EYS: variants seen among roughly 807,000 people sequenced by gnomAD.
EYS encodes the protein protein eyes shut homolog.
In EYS, 250 loss-of-function variants were observed where a neutral mutation model predicts 282.1. That is an observed-to-expected ratio of 0.89 (90% CI 0.80 to 0.98). The LOEUF is 0.98. EYS is among the 50% of genes least tolerant of loss of function. The pLI is 0.00. For missense variants in EYS, 4,016 were observed against 3,709.0 expected, an observed-to-expected ratio of 1.08 and a Z score of -2.15; for synonymous variants, 1,355 against 1,282.9, an observed-to-expected ratio of 1.06 and a Z score of -1.20.
intron 22 of EYS, among the ~76,000 whole-genome samples, chr6:64,665,153 C>CA (rs1162016872): frequency 6.6e-6 from 1 of 152,046 alleles, no homozygotes; most frequent in East Asian, 1.9e-4. Flanking sequence ...AAACTTTGTC[C>CA]ACTGTAATAA....
At chr6:65,325,483 A>T (rs1769593480) in intron 11 of EYS, among the ~76,000 whole-genome samples, 1 of 152,062 alleles carries the variant, frequency 6.6e-6, no homozygotes, top group Non-Finnish European at 1.5e-5. Flanking sequence ...AAGGTCTCAC[A>T]ATTCATAAGT....
At chr6:63,912,737 A>G (rs917381790) in intron 35 of EYS, among the ~76,000 whole-genome samples, 5 of 151,960 alleles carry the variant, frequency 3.3e-5, no homozygotes, top group African/African-American at 4.8e-5. Flanking sequence ...TTAGTGAGAG[A>G]GTTCTCATGA....
intron 32 of EYS, among the ~76,000 whole-genome samples, chr6:64,080,785 T>C (rs1307528223): frequency 1.3e-5 from 2 of 151,924 alleles, no homozygotes; most frequent in African/African-American, 2.4e-5. Context: ...GGCTAGCCAG[T>C]TTTCCCAGCA....
chr6:64,516,818 A>G (rs1316395872), intron 26 of EYS, among the ~76,000 whole-genome samples: 1 of 151,824 alleles, frequency 6.6e-6, no homozygotes, highest in African/African-American at 2.4e-5. Flanking sequence ...TTACTTTGAT[A>G]TCAGATCTAG....
At chr6:63,819,794 T>A (rs993612923) in intron 36 of EYS, among the ~76,000 whole-genome samples, 2 of 152,124 alleles carry the variant, frequency 1.3e-5, no homozygotes, top group African/African-American at 2.4e-5. Context: ...AGAAGAACCA[T>A]GACTAGTAGG....
chr6:64,192,509 C>T (rs1478858403), intron 31 of EYS, among the ~76,000 whole-genome samples: 2 of 151,920 alleles, frequency 1.3e-5, no homozygotes, highest in Non-Finnish European at 2.9e-5. Context: ...TAGAACAGAG[C>T]CCTCAGAAAT....
At position 64,032,453 on chromosome 6, in the gene EYS, A is replaced by G. The variant is rs1024541553; in HGVS notation, c.6726-33270T>C. ...TATATTTACAACATTTCTGACACCA[A>G]ATGTGTGGGTTTTCTATACCACGTG... On this transcript the variant is annotated intron_variant, in intron 33 of 42. Coordinates refer to ENST00000503581, the MANE Select transcript of EYS (RefSeq NM_001142800.2). Among the ~76,000 whole-genome samples, 7 of 152,210 alleles carry G rather than the reference A, an allele frequency of 4.6e-5. No individual in the cohort carries two copies. The South Asian group carries it at 1.4e-3, about 32-fold the overall frequency.
intron 36 of EYS, among the ~76,000 whole-genome samples, chr6:63,834,430 C>G (rs533974423): frequency 6.6e-6 from 1 of 152,210 alleles, no homozygotes; most frequent in African/African-American, 2.4e-5. Context: ...GACATTCATA[C>G]AGGCAACAGA....
At chr6:65,443,149 A>C (rs975285257) in intron 5 of EYS, among the ~76,000 whole-genome samples, 1 of 150,522 alleles carries the variant, frequency 6.6e-6, no homozygotes, top group Non-Finnish European at 1.5e-5. Flanking sequence ...ATATGTACAC[A>C]TCATACACAT....
intron 12 of EYS, among the ~76,000 whole-genome samples, chr6:65,070,603 G>A (rs866093146): frequency 1.5e-4 from 23 of 151,660 alleles, no homozygotes; most frequent in African/African-American, 5.3e-4. Flanking sequence ...TGATAAAGAG[G>A]TCACTAGCAT....
chr6:63,788,003 C>G, intron 39 of EYS, 102 bp downstream of exon 39: 1 of 829,912 alleles, frequency 1.2e-6, no homozygotes, highest in Non-Finnish European at 1.8e-6. Flanking sequence ...TGAAAGCAAT[C>G]CATATAGCTG....
chr6:64,044,424 G>A (rs572785837), intron 33 of EYS, among the ~76,000 whole-genome samples: 21 of 152,282 alleles, frequency 1.4e-4, no homozygotes, highest in Middle Eastern at 3.4e-3. Context: ...AAAATGTGAT[G>A]AAGGCTAAAA....
intron 8 of EYS, among the ~76,000 whole-genome samples, chr6:65,383,450 C>A (rs1441180996): frequency 6.6e-6 from 1 of 151,674 alleles, no homozygotes; most frequent in Non-Finnish European, 1.5e-5. Flanking sequence ...TATTTAACTT[C>A]TTAGTTCTAC....
chr6:64,135,140 C>T (rs1774116669), intron 31 of EYS, among the ~76,000 whole-genome samples: 1 of 151,606 alleles, frequency 6.6e-6, no homozygotes, highest in African/African-American at 2.4e-5. Flanking sequence ...TCCTGATTTT[C>T]TGGAGAATAA....
At chr6:65,320,810 G>T (rs1769454433) in intron 11 of EYS, among the ~76,000 whole-genome samples, 1 of 152,122 alleles carries the variant, frequency 6.6e-6, no homozygotes, top group African/African-American at 2.4e-5. Context: ...TGAAAAAGGT[G>T]GCCTTAGCTA....
At chr6:64,305,621 A>T (rs763516370) in intron 30 of EYS, among the ~76,000 whole-genome samples, 1 of 152,214 alleles carries the variant, frequency 6.6e-6, no homozygotes, top group Non-Finnish European at 1.5e-5. Flanking sequence ...CATACATTCA[A>T]TGGGGGAAGA....
intron 22 of EYS, among the ~76,000 whole-genome samples, chr6:64,752,225 GAAAGTT>G (rs1203870060): frequency 6.6e-6 from 1 of 151,904 alleles, no homozygotes; most frequent in Non-Finnish European, 1.5e-5. Flanking sequence ...AGATCCAAGA[GAAAGTT>G]AAAGCTAACA....
chr6:65,433,456 T>C (rs1767956860), intron 5 of EYS, among the ~76,000 whole-genome samples: 1 of 152,202 alleles, frequency 6.6e-6, no homozygotes, highest in Admixed American at 6.5e-5. Context: ...TATATTTTCA[T>C]GGTCATCTCT....
intron 14 of EYS, among the ~76,000 whole-genome samples, chr6:64,973,321 A>T (rs990344732): frequency 3.9e-5 from 6 of 152,072 alleles, no homozygotes; most frequent in Non-Finnish European, 7.4e-5. Flanking sequence ...AATAAGCTAT[A>T]TCACATCATT....
Sources: allele counts gnomAD v4.1 joint callset (sites outside exome capture counted in the v4.1 genomes callset), GRCh38; gene constraint gnomAD v4.1.1; transcripts MANE v1.5; gene names NCBI Gene and HGNC (gene_info 2026-07-23, HGNC 2026-07-21).